Variants in UBAP2 observed in about 807,000 individuals in gnomAD.
UBAP2 encodes ubiquitin-associated protein 2.
UBAP2 carries 75 observed loss-of-function variants against 139.6 expected under a neutral mutation model. The ratio of observed to expected loss-of-function variants is 0.54; its 90% CI spans 0.45 to 0.65. The LOEUF is 0.65. UBAP2 is among the 30% of genes least tolerant of loss of function. The pLI is 0.00. For synonymous variants in UBAP2, 526 were observed against 526.2 expected, an observed-to-expected ratio of 1.00 and a Z score of 0.01; for missense variants, 1,368 against 1,369.6, an observed-to-expected ratio of 1.00 and a Z score of 0.02.
chr9:33,999,713 C>T (rs1261612203), intron 2 of UBAP2, among the ~76,000 whole-genome samples: 2 of 151,782 alleles, frequency 1.3e-5, no homozygotes, highest in East Asian at 1.9e-4. Flanking sequence ...ACCCTCTTCA[C>T]GATTTTTTCT....
intron 12 of UBAP2, among the ~76,000 whole-genome samples, chr9:33,951,954 G>C (rs595556): frequency 0.19 from 29,246 of 152,046 alleles, 2,935 homozygotes; most frequent in South Asian, 0.36. Flanking sequence ...GAGAAGCCTT[G>C]GGCTGTTCTA....
At chr9:34,003,559 C>T (rs1239535082) in intron 2 of UBAP2, among the ~76,000 whole-genome samples, 2 of 152,088 alleles carry the variant, frequency 1.3e-5, no homozygotes, top group Non-Finnish European at 2.9e-5. Flanking sequence ...GTGTTCGCCA[C>T]CACACCCAGC....
chr9:33,953,634 C>T (rs1826290261), intron 11 of UBAP2, among the ~76,000 whole-genome samples, 160 bp from the exon 12 acceptor site: 1 of 152,082 alleles, frequency 6.6e-6, no homozygotes, highest in Non-Finnish European at 1.5e-5. Flanking sequence ...GCATCATCCA[C>T]ACAAAAGAAC....
chr9:33,935,170 G>T (rs937733326), intron 17 of UBAP2, among the ~76,000 whole-genome samples: 1 of 143,772 alleles, frequency 7.0e-6, no homozygotes, highest in African/African-American at 2.5e-5. Context: ...TGGCGGGGGG[G>T]GGGGGTCTCA....
intron 16 of UBAP2, among the ~76,000 whole-genome samples, chr9:33,938,276 G>C (rs1002755828): frequency 3.3e-5 from 5 of 151,684 alleles, no homozygotes; most frequent in African/African-American, 1.2e-4. Flanking sequence ...CCACAGGCTC[G>C]CACCACCACG....
intron 27 of UBAP2, 38 bp downstream of exon 27, chr9:33,922,928 T>C: frequency 1.2e-6 from 2 of 1,614,046 alleles, no homozygotes. Context: ...CTGTAACCTC[T>C]CAAAAACCTA....
chr9:33,960,733 T>C (rs182979091), intron 10 of UBAP2, 93 bp downstream of exon 10: 3 of 1,266,624 alleles, frequency 2.4e-6, no homozygotes, highest in Non-Finnish European at 3.4e-6. Flanking sequence ...TGAGCCAAGA[T>C]CACGCCATTG....
intron 1 of UBAP2, among the ~76,000 whole-genome samples, chr9:34,044,915 C>T (rs1827433510): frequency 6.6e-6 from 1 of 152,102 alleles, no homozygotes; most frequent in Non-Finnish European, 1.5e-5. Flanking sequence ...TTAAATAAAA[C>T]ACCTACTCTA....
intron 18 of UBAP2, 97 bp downstream of exon 18, chr9:33,933,393 A>G: frequency 7.4e-7 from 1 of 1,358,656 alleles, no homozygotes; most frequent in Non-Finnish European, 1.0e-6. Context: ...CACGTCAGAG[A>G]CAACAAGTGT....
At chr9:33,953,856 A>G (rs547889534) in intron 11 of UBAP2, among the ~76,000 whole-genome samples, 75 of 152,214 alleles carry the variant, frequency 4.9e-4, no homozygotes, top group African/African-American at 1.7e-3. Context: ...TAATAAATCC[A>G]TATTTCTAGG....
chr9:34,016,468 T>G (rs976314273), intron 2 of UBAP2, among the ~76,000 whole-genome samples: 2 of 151,882 alleles, frequency 1.3e-5, no homozygotes, highest in African/African-American at 2.4e-5. Flanking sequence ...ATTAAAGAGT[T>G]CTCATGGAAC....
At chr9:33,941,374 T>C (rs1172252867) in intron 16 of UBAP2, among the ~76,000 whole-genome samples, 1 of 152,110 alleles carries the variant, frequency 6.6e-6, no homozygotes, top group African/African-American at 2.4e-5. Flanking sequence ...TTTCAGACAA[T>C]GTAGAAGTAC....
chr9:33,975,359 G>A (rs1292432577), intron 6 of UBAP2, among the ~76,000 whole-genome samples: 1 of 151,320 alleles, frequency 6.6e-6, no homozygotes, highest in African/African-American at 2.4e-5. Flanking sequence ...TGGAACCCGG[G>A]AGGCAGAGGT....
intron 24 of UBAP2, 50 bp downstream of exon 24, chr9:33,923,745 G>T (rs765199995): frequency 6.3e-7 from 1 of 1,588,510 alleles, no homozygotes; most frequent in Admixed American, 1.7e-5. Flanking sequence ...GTTTCCACCT[G>T]CCAGCAACCC....
At chr9:33,937,531 T>C (rs1018974721) in intron 16 of UBAP2, among the ~76,000 whole-genome samples, 2 of 138,736 alleles carry the variant, frequency 1.4e-5, no homozygotes, top group African/African-American at 5.6e-5. Flanking sequence ...CATTTGAACC[T>C]GGGAGGAAGA....
At chr9:34,036,952 G>C (rs1267056095) in intron 1 of UBAP2, among the ~76,000 whole-genome samples, 3 of 149,688 alleles carry the variant, frequency 2.0e-5, no homozygotes, top group African/African-American at 7.4e-5. Context: ...AAGTAGGTGG[G>C]ACTATAGGCA....
At chr9:34,007,135 C>T (rs925337103) in intron 2 of UBAP2, among the ~76,000 whole-genome samples, 5 of 152,234 alleles carry the variant, frequency 3.3e-5, no homozygotes, top group Admixed American at 6.5e-5. Flanking sequence ...AATGTGACTT[C>T]TTCCTTTGCA....
At chr9:34,002,630 C>G (rs1053952229) in intron 2 of UBAP2, among the ~76,000 whole-genome samples, 4 of 152,088 alleles carry the variant, frequency 2.6e-5, no homozygotes, top group Admixed American at 1.3e-4. Context: ...CCCACCTCGG[C>G]CTCCCAAAGT....
chr9:33,967,280 G>A (rs757163830), intron 8 of UBAP2, among the ~76,000 whole-genome samples: 5 of 151,938 alleles, frequency 3.3e-5, no homozygotes, highest in South Asian at 2.1e-4. Context: ...AAAAAACAAC[G>A]GTTTATTCTC....
Sources: gnomAD v4.1 joint callset for allele counts (sites outside exome capture counted in the v4.1 genomes callset) on GRCh38, gnomAD v4.1.1 for gene constraint, MANE v1.5 for transcripts, NCBI Gene and HGNC (gene_info 2026-07-23, HGNC 2026-07-21) for gene names.